The following PPP1R7 variants were observed in gnomAD, a reference collection of about 807,000 sequenced individuals.
PPP1R7 encodes protein phosphatase 1 regulatory subunit 7.
Under a neutral mutation model 45.2 loss-of-function variants are expected in PPP1R7, and 18 were observed. That is an observed-to-expected ratio of 0.40 (90% CI 0.28 to 0.59). PPP1R7 has a LOEUF of 0.59. Ranked by LOEUF, PPP1R7 falls within the 20% of genes least tolerant of loss-of-function variation. PPP1R7 has a pLI of 0.46. For missense variants in PPP1R7, 314 were observed against 455.8 expected, an observed-to-expected ratio of 0.69 and a Z score of 2.83; for synonymous variants, 181 against 183.4, an observed-to-expected ratio of 0.99 and a Z score of 0.11.
In PPP1R7 at chr2:241,183,422, G is replaced by A. The variant is rs912964939; in HGVS notation, c.*599G>A. 3.8e-5 allele frequency: 18 copies of A among 471,062 alleles called. No homozygotes were observed. Among genetic ancestry groups the A allele is most frequent in the African/African-American group, 2.6e-4 (13 of 50,074 alleles). The allele number at this position is 471,062 out of a possible 1,614,324, so 29.2% of individuals were successfully genotyped here. On this transcript the variant is annotated 3_prime_UTR_variant, in exon 10 of 10. Coordinates refer to ENST00000234038, the MANE Select transcript of PPP1R7 (RefSeq NM_002712.3). Reference sequence around the variant, plus strand: ...GCCGGGCAGGGCTGACTGTTTTCACGTGTGCCCGTCAGTTCTCGCCACATC... The same window carrying A: ...GCCGGGCAGGGCTGACTGTTTTCACATGTGCCCGTCAGTTCTCGCCACATC...
intron 8 of PPP1R7, among the ~76,000 whole-genome samples, chr2:241,167,833 A>AT (rs2067746374): frequency 6.6e-6 from 1 of 152,080 alleles, no homozygotes; most frequent in Non-Finnish European, 1.5e-5. Context: ...TTCTTCTGCC[A>AT]TTTTTTTCAA....
In PPP1R7 at chr2:241,182,728, C is replaced by T. The variant is rs758294774; in HGVS notation, c.988C>T (p.Arg330Trp). The change falls in exon 10 of 10, where the codon CGG (arginine) becomes TGG (tryptophan). Residue 330 changes from arginine to tryptophan, a missense_variant. Physicochemically the swap from Arg to Trp is moderately radical, Grantham distance 101. Transcript: ENST00000234038. ...ARSLETVYLERNPLQKDPQYR... is the reference protein window; with the variant it reads ...ARSLETVYLEWNPLQKDPQYR... ...GAGCCTGGAGACAGTGTACCTGGAG[C>T]GGAACCCCTTGCAGAAGGACCCCCA... The T allele has an allele frequency of 1.9e-6, 3 of 1,614,182 alleles. No individual in the cohort carries two copies. The highest frequency in any genetic ancestry group is 4.5e-5 in the East Asian group (2 of 44,880).
At chr2:241,165,937 C>T (rs2067697026) in intron 7 of PPP1R7, among the ~76,000 whole-genome samples, 1 of 147,916 alleles carries the variant, frequency 6.8e-6, no homozygotes, top group African/African-American at 2.5e-5. Flanking sequence ...GAGTCTCGCT[C>T]TGTTGCCCAG....
chr2:241,153,300 C>T (rs1483833472), intron 1 of PPP1R7, among the ~76,000 whole-genome samples, 176 bp from the exon 2 acceptor site: 1 of 152,202 alleles, frequency 6.6e-6, no homozygotes, highest in African/African-American at 2.4e-5. Context: ...CCATTCTCCC[C>T]GCGGCCATAT....
At chr2:241,174,018 G>C (rs1304798609) in intron 9 of PPP1R7, among the ~76,000 whole-genome samples, 1 of 151,360 alleles carries the variant, frequency 6.6e-6, no homozygotes, top group Non-Finnish European at 1.5e-5. Context: ...TAGATCCTGG[G>C]CTTTATGGTG....
At chr2:241,155,378 AAGTT>A (rs1216711964) in intron 2 of PPP1R7, 1 of 152,126 alleles carries the variant, frequency 6.6e-6, no homozygotes, top group African/African-American at 2.4e-5. Flanking sequence ...GGAAAAATCC[AAGTT>A]TTTTCTTCGA....
At chr2:241,163,457 T>A in intron 7 of PPP1R7, 56 bp downstream of exon 7, 1 of 1,223,710 alleles carries the variant, frequency 8.2e-7, no homozygotes, top group Non-Finnish European at 1.2e-6. Flanking sequence ...CCAGCGCTGC[T>A]GGACACAATC....
chr2:241,180,820 C>G (rs1448296758), intron 9 of PPP1R7, among the ~76,000 whole-genome samples: 2 of 152,132 alleles, frequency 1.3e-5, no homozygotes, highest in East Asian at 3.8e-4. Context: ...GTGTCAGTCC[C>G]TCTTCAAGGG....
chr2:241,183,513 C>T lies in PPP1R7; in HGVS notation c.*690C>T, dbSNP rs2068045803. 2 of 463,886 alleles carry T rather than the reference C, an allele frequency of 4.3e-6. No individual in the cohort carries two copies. The highest frequency in any genetic ancestry group is 3.2e-5 in the South Asian group (2 of 63,294). The allele number at this position is 463,886 out of a possible 1,614,324, so 28.7% of individuals were successfully genotyped here. A position where few individuals can be genotyped will look rare whatever the true frequency, so the allele number is the denominator to read the frequency against. ...CTGTGTCCCACACGGTGCTGTGCTG[C>T]TGCCAGAATACGAGTCCCATTGAGC... On this transcript the variant is annotated 3_prime_UTR_variant, in exon 10 of 10. Transcript: ENST00000234038.
At chr2:241,158,715 G>A in intron 4 of PPP1R7, 166 bp downstream of exon 4, 1 of 660,704 alleles carries the variant, frequency 1.5e-6, no homozygotes, top group East Asian at 2.7e-5. Context: ...CAGCAGGTGT[G>A]AGACAGCAGT....
rs199770219 is a variant in PPP1R7, at chr2:241,172,657, AAG to A, written c.906+2792_906+2793del. Among the ~76,000 whole-genome samples, 777 of 151,026 alleles carry A rather than the reference AAG, an allele frequency of 5.1e-3. 8 individuals are homozygous for A. The highest frequency in any genetic ancestry group is 0.018 in the African/African-American group (716 of 40,470). On this transcript the variant is annotated intron_variant, in intron 9 of 9. Coordinates refer to ENST00000234038, the MANE Select transcript of PPP1R7 (RefSeq NM_002712.3). ...AAACTCCGTCTCAAAAAAAAAAAAA[AAG>A]AAATTTAAAAACAAGAAAACTCACT... is the stretch of plus-strand genomic sequence containing the variant.
intron 9 of PPP1R7, among the ~76,000 whole-genome samples, chr2:241,180,806 G>A (rs1483753985): frequency 6.6e-6 from 1 of 152,086 alleles, no homozygotes; most frequent in African/African-American, 2.4e-5. Flanking sequence ...GCTCCTCCCA[G>A]CAGGTGTCAG....
At chr2:241,157,768 A>T in intron 2 of PPP1R7, 39 bp from the exon 3 acceptor site, 1 of 1,592,432 alleles carries the variant, frequency 6.3e-7, no homozygotes, top group Non-Finnish European at 8.6e-7. Flanking sequence ...CCTCCTGTTA[A>T]TGGGGTTCTG....
chr2:241,159,212 G>T lies in PPP1R7; in HGVS notation c.304-1G>T. The T allele has an allele frequency of 6.2e-7, 1 of 1,613,044 alleles. No individual in the cohort carries two copies. Among genetic ancestry groups the T allele is most frequent in the South Asian group, 1.1e-5 (1 of 90,948 alleles). On this transcript the variant is annotated splice_acceptor_variant, in intron 4 of 9. Transcript: ENST00000234038. LOFTEE classifies it high-confidence loss of function. Reference sequence around the variant, plus strand: ...CAATTGTCCCTTTTCCCATCCCCCAGACTCTCTGCCTCCGCCAAAATTTAA... The same window carrying T: ...CAATTGTCCCTTTTCCCATCCCCCATACTCTCTGCCTCCGCCAAAATTTAA...
rs1192940394 is a variant in PPP1R7, at chr2:241,159,306, A to G, written c.397A>G (p.Lys133Glu). The G allele has an allele frequency of 6.2e-7, 1 of 1,613,736 alleles. No individual in the cohort carries two copies. The highest frequency in any genetic ancestry group is 1.3e-5 in the African/African-American group (1 of 74,926). The change falls in exon 5 of 10, where the codon AAG becomes GAG. Residue 133 changes from lysine (K) to glutamate (E), a missense_variant. Around this residue, in one of 3 missense-constraint regions of PPP1R7, gnomAD observed 112 missense variants for 144.5 expected, o/e 0.78. Transcript: ENST00000234038. ...GCTGGATCTTTACGACAACCAGATC[A>G]AGAAGATTGAGAATCTGGAGGCGCT... is the stretch of plus-strand genomic sequence containing the variant. ...RELDLYDNQI[K>E]KIENLEALTE...
At chr2:241,160,557 C>G in intron 6 of PPP1R7, 63 bp downstream of exon 6, 1 of 1,419,750 alleles carries the variant, frequency 7.0e-7, no homozygotes. Flanking sequence ...TGTGTGTGGA[C>G]TCAGTGGGTG....
intron 5 of PPP1R7, among the ~76,000 whole-genome samples, chr2:241,159,622 C>CCGAAT (rs2067540229): frequency 6.6e-6 from 1 of 152,172 alleles, no homozygotes; most frequent in Non-Finnish European, 1.5e-5. Context: ...TGGAAAGCCT[C>CCGAAT]CATTCAGGGA....
chr2:241,174,355 A>G (rs142878781), intron 9 of PPP1R7, among the ~76,000 whole-genome samples: 1 of 152,098 alleles, frequency 6.6e-6, no homozygotes, highest in East Asian at 1.9e-4. Context: ...TTAGCTTTTC[A>G]CTCTGCCTAG....
rs771878171 is a variant in PPP1R7 at position 241,159,268 on chromosome 2, A to G, written c.359A>G (p.Gln120Arg). 3.7e-6 allele frequency: 6 copies of G among 1,613,854 alleles called. No individual in the cohort carries two copies. The Admixed American group carries it at 8.3e-5, about 22-fold the overall frequency. Residue 120 changes from glutamine to arginine, a missense_variant, in exon 5 of 10, where the codon CAG becomes CGG. Transcript: ENST00000234038. ...IKCIENLEEL[Q>R]SLRELDLYDN... ...TGCATTGAGAATCTGGAGGAGCTAC[A>G]GAGTCTTCGAGAGCTGGATCTTTAC... is the stretch of plus-strand genomic sequence containing the variant.
Sources: gnomAD v4.1 joint callset for allele counts (sites outside exome capture counted in the v4.1 genomes callset) on GRCh38, gnomAD v4.1.1 for gene constraint, gnomAD v4.1.1 regional missense constraint, MANE v1.5 for transcripts, NCBI Gene and HGNC (gene_info 2026-07-23, HGNC 2026-07-21) for gene names.